MRPS31: variants seen among roughly 807,000 people sequenced by gnomAD.
The protein encoded by MRPS31 is mitochondrial ribosomal protein S31, also known as small ribosomal subunit protein mS31.
In MRPS31, 32 loss-of-function variants were observed where a neutral mutation model predicts 43.1. The ratio of observed to expected loss-of-function variants is 0.74; its 90% CI spans 0.56 to 1.00. MRPS31 has a LOEUF of 1.00. MRPS31 is among the 50% of genes least tolerant of loss of function. The pLI, the probability that MRPS31 is intolerant of heterozygous loss-of-function variation, is 0.00. For synonymous variants in MRPS31, 165 were observed against 161.6 expected (o/e 1.02, Z -0.16); for missense variants, 437 against 466.7 (o/e 0.94, Z 0.59).
chr13:40,748,695 C>T (rs1880306895), intron 6 of MRPS31, among the ~76,000 whole-genome samples: 1 of 152,210 alleles, frequency 6.6e-6, no homozygotes, highest in Non-Finnish European at 1.5e-5. Context: ...CTGGCTCATA[C>T]AAGTTCCTTG....
intron 6 of MRPS31, among the ~76,000 whole-genome samples, chr13:40,738,843 C>G (rs377357330): frequency 1.3e-5 from 2 of 152,130 alleles, no homozygotes; most frequent in East Asian, 3.9e-4. Context: ...ACTGAATGGG[C>G]AAAAACTGGA....
intron 2 of MRPS31, among the ~76,000 whole-genome samples, chr13:40,763,481 C>T (rs1353842893): frequency 6.6e-6 from 1 of 152,128 alleles, no homozygotes. Flanking sequence ...TATGGTATCC[C>T]CATCAGGTAC....
At chr13:40,760,789 A>G (rs1419539415) in intron 2 of MRPS31, among the ~76,000 whole-genome samples, 1 of 152,034 alleles carries the variant, frequency 6.6e-6, no homozygotes, top group East Asian at 1.9e-4. Flanking sequence ...TTTTTAACTC[A>G]CTGAGAACTG....
chr13:40,757,291 A>C (rs879861045), intron 3 of MRPS31, among the ~76,000 whole-genome samples: 2 of 152,236 alleles, frequency 1.3e-5, no homozygotes, highest in Non-Finnish European at 2.9e-5. Flanking sequence ...AAATGATAGG[A>C]AAGTAAAATC....
At chr13:40,749,496 C>T (rs1880329678) in intron 5 of MRPS31, 1 of 355,518 alleles carries the variant, frequency 2.8e-6, no homozygotes, top group Non-Finnish European at 5.0e-6. Context: ...TGCAACAATG[C>T]CAGGTAATCA....
chr13:40,763,861 GC>G (rs1880770203), intron 2 of MRPS31, among the ~76,000 whole-genome samples: 2 of 152,230 alleles, frequency 1.3e-5, no homozygotes, highest in South Asian at 4.2e-4. Flanking sequence ...CAGCTACCAG[GC>G]AAGAAACCCA....
intron 5 of MRPS31, among the ~76,000 whole-genome samples, chr13:40,751,669 A>G (rs1460915811): frequency 2.0e-5 from 3 of 152,218 alleles, no homozygotes; most frequent in Non-Finnish European, 4.4e-5. Flanking sequence ...TTCCAGCATT[A>G]TTTCAGGTGG....
At chr13:40,738,989 A>G (rs1880003278) in intron 6 of MRPS31, among the ~76,000 whole-genome samples, 1 of 152,214 alleles carries the variant, frequency 6.6e-6, no homozygotes, top group Non-Finnish European at 1.5e-5. Context: ...GAAAAGAGGA[A>G]GTCAAATTGT....
At chr13:40,769,269 GGGAGGCTGAGGCAGA>G (rs1484371818) in intron 1 of MRPS31, among the ~76,000 whole-genome samples, 2 of 150,482 alleles carry the variant, frequency 1.3e-5, no homozygotes, top group Non-Finnish European at 3.0e-5. Context: ...CCAGCTACTT[GGGAGGCTGAGGCAGA>G]AGAATCGCTT....
chr13:40,765,468 A>T (rs188267035), intron 2 of MRPS31, among the ~76,000 whole-genome samples: 2 of 152,326 alleles, frequency 1.3e-5, no homozygotes, highest in Admixed American at 1.3e-4. Context: ...TGGATCATAA[A>T]CAGGTCTAGG....
At chr13:40,752,110 G>A (rs1383741778) in intron 5 of MRPS31, among the ~76,000 whole-genome samples, 4 of 151,566 alleles carry the variant, frequency 2.6e-5, no homozygotes, top group African/African-American at 9.7e-5. Context: ...TGCAACCTCC[G>A]CCTCCTGGGT....
intron 6 of MRPS31, among the ~76,000 whole-genome samples, chr13:40,747,602 G>A (rs1157938660): frequency 6.6e-6 from 1 of 152,174 alleles, no homozygotes; most frequent in Non-Finnish European, 1.5e-5. Context: ...TACAGGCCAG[G>A]TGCGGTGGCT....
At chr13:40,754,871 A>T (rs1420298759) in intron 4 of MRPS31, among the ~76,000 whole-genome samples, 1 of 152,124 alleles carries the variant, frequency 6.6e-6, no homozygotes, top group Non-Finnish European at 1.5e-5. Flanking sequence ...TCTACTAAAA[A>T]CACACAAAAA....
chr13:40,747,830 G>A (rs918840698), intron 6 of MRPS31, among the ~76,000 whole-genome samples: 5 of 152,128 alleles, frequency 3.3e-5, no homozygotes, highest in Admixed American at 2.6e-4. Flanking sequence ...ATGACACAGC[G>A]AGGCTCCATC....
intron 5 of MRPS31, among the ~76,000 whole-genome samples, chr13:40,752,928 A>C (rs768301827): frequency 1.3e-5 from 2 of 152,050 alleles, no homozygotes; most frequent in Non-Finnish European, 2.9e-5. Context: ...TTTTAGAGAA[A>C]GGGGCTATGT....
intron 1 of MRPS31, among the ~76,000 whole-genome samples, chr13:40,769,282 A>C (rs1277375878): frequency 6.7e-6 from 1 of 150,352 alleles, no homozygotes; most frequent in African/African-American, 2.4e-5. Flanking sequence ...AGGCTGAGGC[A>C]GAAGAATCGC....
chr13:40,767,332 T>G (rs546291503), intron 1 of MRPS31, among the ~76,000 whole-genome samples: 1 of 152,342 alleles, frequency 6.6e-6, no homozygotes, highest in South Asian at 2.1e-4. Context: ...TAATTTTGTA[T>G]TTTTAGCAAA....
chr13:40,735,447 C>T (rs1879864774), intron 6 of MRPS31, among the ~76,000 whole-genome samples: 2 of 152,174 alleles, frequency 1.3e-5, no homozygotes, highest in Non-Finnish European at 2.9e-5. Context: ...AGGAGGCCTG[C>T]CTGCCTCTGT....
intron 3 of MRPS31, 77 bp downstream of exon 3, chr13:40,758,871 G>T: frequency 7.6e-7 from 1 of 1,317,462 alleles, no homozygotes; most frequent in Non-Finnish European, 1.0e-6. Flanking sequence ...TATATTATGT[G>T]TATTACTCAC....
Sources: gnomAD v4.1 joint callset for allele counts (sites outside exome capture counted in the v4.1 genomes callset) on GRCh38, gnomAD v4.1.1 for gene constraint, MANE v1.5 for transcripts, NCBI Gene and HGNC (gene_info 2026-07-23, HGNC 2026-07-21) for gene names.